The following HDAC4 variants were observed in gnomAD, a reference collection of about 807,000 sequenced individuals.
HDAC4 encodes histone deacetylase A.
A neutral mutation model predicts 135.1 loss-of-function variants in HDAC4; 16 were observed. The observed-to-expected ratio is 0.12, with a 90% CI of 0.08 to 0.18. The LOEUF (loss-of-function observed/expected upper bound fraction) is 0.18. HDAC4 is among the 10% of genes least tolerant of loss of function. The probability of loss-of-function intolerance (pLI) is 1.00; values close to 1 mark genes in which losing one functional copy is unlikely to be tolerated. For missense variants in HDAC4, 1,143 were observed against 1,511.8 expected (o/e 0.76, Z 4.05); for synonymous variants, 685 against 653.4 (o/e 1.05, Z -0.74).
At chr2:239,239,203 C>G (rs971682377) in intron 2 of HDAC4, among the ~76,000 whole-genome samples, 19 of 152,194 alleles carry the variant, frequency 1.2e-4, no homozygotes, top group Admixed American at 1.2e-3. Context: ...CCTGGGCCTC[C>G]TGGACTTCTA....
chr2:239,352,885 G>C lies in HDAC4; in HGVS notation c.-186C>G. The C allele has an allele frequency of 1.5e-6, 1 of 649,846 alleles. No individual in the cohort carries two copies. The highest frequency in any genetic ancestry group is 2.8e-6 in the Non-Finnish European group (1 of 359,748). The allele number at this position is 649,846 out of a possible 1,614,324, so 40.3% of individuals were successfully genotyped here. On this transcript the variant is annotated 5_prime_UTR_variant, in exon 2 of 27. An upstream open reading frame in the 5' UTR gains an earlier in-frame stop. Transcript: ENST00000543185. The surrounding 1 kb of genome is among the most constrained non-coding windows in gnomAD (Gnocchi z 4.4). ...TCATGAGCCAGGTAACCCACAAGTTGAACAGAGGCGTCCGCTGGCTTCTGC... is the reference window on the plus strand; with the variant it reads ...TCATGAGCCAGGTAACCCACAAGTTCAACAGAGGCGTCCGCTGGCTTCTGC...
chr2:239,334,901 T>G (rs1314584033), intron 2 of HDAC4, among the ~76,000 whole-genome samples: 3 of 151,756 alleles, frequency 2.0e-5, no homozygotes, highest in African/African-American at 7.3e-5. Context: ...GGCGTGCACC[T>G]GTAGTCCCAG....
intron 1 of HDAC4, among the ~76,000 whole-genome samples, chr2:239,369,632 T>C (rs1378204168): frequency 6.6e-6 from 1 of 152,218 alleles, no homozygotes; most frequent in Non-Finnish European, 1.5e-5. Context: ...CTGCTCTCAT[T>C]TCCGCGTACA....
chr2:239,338,263 T>G (rs1692077589), intron 2 of HDAC4, among the ~76,000 whole-genome samples: 1 of 152,204 alleles, frequency 6.6e-6, no homozygotes, highest in African/African-American at 2.4e-5. Flanking sequence ...AGTGAGTTCC[T>G]GGAGGCCCAT....
At chr2:239,152,608 G>C (rs1350971883) in intron 7 of HDAC4, among the ~76,000 whole-genome samples, 5 of 152,252 alleles carry the variant, frequency 3.3e-5, no homozygotes, top group Admixed American at 1.3e-4. Context: ...TCAGGTGAAG[G>C]CAAGCCAGGA....
At chr2:239,241,192 C>T (rs1450903363) in intron 2 of HDAC4, among the ~76,000 whole-genome samples, 2 of 152,096 alleles carry the variant, frequency 1.3e-5, no homozygotes, top group African/African-American at 4.8e-5. Flanking sequence ...TACCGACACA[C>T]AAGAAAGGAG....
chr2:239,302,947 G>A (rs984837131), intron 2 of HDAC4, among the ~76,000 whole-genome samples: 2 of 152,210 alleles, frequency 1.3e-5, no homozygotes, highest in Admixed American at 6.5e-5. Flanking sequence ...GCTCAGGCCC[G>A]GAGCACCTTG....
Position 239,318,962 on chromosome 2 carries a change from A to G in HDAC4, c.22+33716T>C, listed in dbSNP as rs10187459. On this transcript the variant is annotated intron_variant, in intron 2 of 26. Coordinates refer to ENST00000543185, the MANE Select transcript of HDAC4 (RefSeq NM_001378414.1). ...ACGGATTCCTGCCAAGGAACGGAAC[A>G]GCCCCAGTGGAACTGAGTGAACCAA... 2.6e-3 allele frequency among the ~76,000 whole-genome samples: 391 copies of G among 152,310 alleles called. 3 individuals carry two copies. The highest frequency in any genetic ancestry group is 8.9e-3 in the African/African-American group (369 of 41,568).
intron 3 of HDAC4, among the ~76,000 whole-genome samples, chr2:239,233,535 T>C (rs496316): frequency 0.12 from 17,499 of 151,794 alleles, 1,132 homozygotes; most frequent in Non-Finnish European, 0.14. Context: ...TCAACCTGTA[T>C]AGACTTTCCC....
chr2:239,092,049 C>T (rs1189394722), intron 17 of HDAC4, among the ~76,000 whole-genome samples: 3 of 151,946 alleles, frequency 2.0e-5, no homozygotes, highest in Admixed American at 6.6e-5. Flanking sequence ...CCAGCCTGGG[C>T]GACAGAGCCA....
chr2:239,102,790 C>T lies in HDAC4; in HGVS notation c.2219G>A (p.Ser740Asn). Residue 740 changes from serine (S) to asparagine (N), a missense_variant, in exon 16 of 27, where the codon AGT becomes AAT. This residue lies in a region of HDAC4 where 49 missense variants were observed against 55.6 expected (regional missense o/e 0.88). Transcript: ENST00000543185. Reference protein sequence around the residue: ...TNPLNRQKLDSKKLLGSLASV... With the variant: ...TNPLNRQKLDNKKLLGSLASV... ...TCCTGAAATACCTAGAAGTTTCTTA[C>T]TGTCCAGTTTCTGCCGGTTGAGGGG... 1 of 1,613,904 alleles carries T rather than the reference C, an allele frequency of 6.2e-7. No homozygotes were observed. The highest frequency in any genetic ancestry group is 8.5e-7 in the Non-Finnish European group (1 of 1,180,030).
At chr2:239,195,108 C>T (rs546782497) in intron 3 of HDAC4, among the ~76,000 whole-genome samples, 5 of 152,254 alleles carry the variant, frequency 3.3e-5, no homozygotes, top group South Asian at 2.1e-4. Flanking sequence ...GCTGGGGAGT[C>T]GGGCTCACCA....
chr2:239,382,001 C>T (rs1472734679), intron 1 of HDAC4, among the ~76,000 whole-genome samples: 1 of 152,244 alleles, frequency 6.6e-6, no homozygotes, highest in Non-Finnish European at 1.5e-5. Flanking sequence ...GTCCCAGTTG[C>T]TCAGGCCCCC....
chr2:239,242,533 T>C (rs2153193404), intron 2 of HDAC4, among the ~76,000 whole-genome samples: 1 of 152,374 alleles, frequency 6.6e-6, no homozygotes, highest in South Asian at 2.1e-4. Flanking sequence ...TTAATTTCAA[T>C]CATTTTTCTG....
At chr2:239,269,652 A>T (rs1020250033) in intron 2 of HDAC4, among the ~76,000 whole-genome samples, 1 of 152,172 alleles carries the variant, frequency 6.6e-6, no homozygotes, top group Non-Finnish European at 1.5e-5. Flanking sequence ...CGCTTTCCTA[A>T]AAAGACAAAT....
chr2:239,059,017 A>G (rs978801716), intron 24 of HDAC4, among the ~76,000 whole-genome samples: 6 of 152,216 alleles, frequency 3.9e-5, no homozygotes, highest in African/African-American at 1.4e-4. Flanking sequence ...TTTTCTTACC[A>G]CAGTGCAATT....
intron 2 of HDAC4, among the ~76,000 whole-genome samples, chr2:239,334,558 T>C (rs1055242754): frequency 4.6e-5 from 7 of 151,242 alleles, no homozygotes; most frequent in African/African-American, 1.7e-4. Flanking sequence ...ACCTCTATAC[T>C]GAAAATTACA....
chr2:239,106,750 C>T (rs551014261), intron 15 of HDAC4, among the ~76,000 whole-genome samples: 8 of 152,240 alleles, frequency 5.3e-5, no homozygotes, highest in African/African-American at 1.7e-4. Context: ...GGAGGGCAGG[C>T]GAACCTGCAG....
At chr2:239,237,818 A>G (rs2153183834) in intron 2 of HDAC4, among the ~76,000 whole-genome samples, 1 of 152,322 alleles carries the variant, frequency 6.6e-6, no homozygotes, top group East Asian at 1.9e-4. Flanking sequence ...AGAAATAAAA[A>G]TCAAAATGAA....
Sources: allele counts gnomAD v4.1 joint callset (sites outside exome capture counted in the v4.1 genomes callset), GRCh38; gene constraint gnomAD v4.1.1; regional missense constraint gnomAD v4.1.1; non-coding constraint Gnocchi (gnomAD v3.1); transcripts MANE v1.5; gene names NCBI Gene and HGNC (gene_info 2026-07-23, HGNC 2026-07-21).